The following MRPS31 variants were observed in gnomAD, a reference collection of about 807,000 sequenced individuals.
MRPS31 encodes the protein mitochondrial ribosomal protein S31, also known as small ribosomal subunit protein mS31.
Under a neutral mutation model 43.1 loss-of-function variants are expected in MRPS31, and 32 were observed. That is an observed-to-expected ratio of 0.74 (90% confidence interval 0.56 to 1.00). The LOEUF (loss-of-function observed/expected upper bound fraction) is 1.00. MRPS31 is among the 50% of genes least tolerant of loss of function. MRPS31 has a pLI of 0.00. For missense variants in MRPS31, 437 were observed against 466.7 expected (o/e 0.94, Z 0.59); for synonymous variants, 165 against 161.6 (o/e 1.02, Z -0.16).
At chr13:40,767,167 T>C in intron 1 of MRPS31, 134 bp from the exon 2 acceptor site, 1 of 744,052 alleles carries the variant, frequency 1.3e-6, no homozygotes, top group Non-Finnish European at 2.0e-6. Flanking sequence ...CGTTGCTTTT[T>C]TTTTTTTGAG....
At chr13:40,758,240 G>A (rs956360804) in intron 3 of MRPS31, among the ~76,000 whole-genome samples, 18 of 151,022 alleles carry the variant, frequency 1.2e-4, no homozygotes, top group African/African-American at 4.4e-4. Flanking sequence ...TTTATGTTTT[G>A]TAGAGATGGG....
chr13:40,735,033 C>T (rs1381276839), intron 6 of MRPS31, among the ~76,000 whole-genome samples: 2 of 152,208 alleles, frequency 1.3e-5, no homozygotes, highest in Admixed American at 1.3e-4. Flanking sequence ...GGGTTCATCT[C>T]ACTAGGGAGT....
chr13:40,766,825 G>C lies in MRPS31; in HGVS notation c.361C>G (p.Pro121Ala). The C allele has an allele frequency of 6.2e-7, 1 of 1,614,052 alleles. No homozygotes were observed. Among genetic ancestry groups the C allele is most frequent in the Non-Finnish European group, 8.5e-7 (1 of 1,179,988 alleles). ...AAACTTTTAAGTGGTCTTCTTTTGG[G>C]GGGCTTTGTTGTTCGTACATTTACT... The part of the protein sequence containing the change: ...STVNVRTTKP[P>A]KRRPLKSLEA... Residue 121 changes from proline to alanine, a missense_variant, in exon 2 of 7, where the codon CCC becomes GCC. Transcript: ENST00000323563.
chr13:40,741,849 C>T (rs2137999694), intron 6 of MRPS31, among the ~76,000 whole-genome samples: 1 of 150,496 alleles, frequency 6.6e-6, no homozygotes. Context: ...TATGTACTGA[C>T]AAGGAAATGC....
At chr13:40,750,389 G>A (rs1289800211) in intron 5 of MRPS31, among the ~76,000 whole-genome samples, 1 of 152,054 alleles carries the variant, frequency 6.6e-6, no homozygotes. Context: ...GTGTGTGTTT[G>A]CGTGTATTGC....
intron 5 of MRPS31, among the ~76,000 whole-genome samples, chr13:40,753,396 T>C (rs1566108807): frequency 6.6e-6 from 1 of 152,240 alleles, no homozygotes; most frequent in Non-Finnish European, 1.5e-5. Flanking sequence ...CTCAAATTAG[T>C]AGCTAATCTG....
intron 6 of MRPS31, among the ~76,000 whole-genome samples, chr13:40,735,445 T>G (rs1177374455): frequency 6.6e-6 from 1 of 152,190 alleles, no homozygotes; most frequent in Non-Finnish European, 1.5e-5. Flanking sequence ...CAAGGAGGCC[T>G]GCCTGCCTCT....
intron 6 of MRPS31, among the ~76,000 whole-genome samples, chr13:40,747,110 G>A (rs1050463640): frequency 6.7e-6 from 1 of 149,748 alleles, no homozygotes; most frequent in African/African-American, 2.5e-5. Flanking sequence ...GCACAGTTTC[G>A]CTCTGTCACC....
At chr13:40,747,868 C>A (rs115712627) in intron 6 of MRPS31, among the ~76,000 whole-genome samples, 1 of 151,998 alleles carries the variant, frequency 6.6e-6, no homozygotes, top group Non-Finnish European at 1.5e-5. Flanking sequence ...TACGAATATA[C>A]AAAATATTAA....
At chr13:40,747,946 T>C (rs757925055) in intron 6 of MRPS31, among the ~76,000 whole-genome samples, 8 of 152,230 alleles carry the variant, frequency 5.3e-5, no homozygotes, top group Non-Finnish European at 1.0e-4. Flanking sequence ...ATGTTAATTA[T>C]ATTATTTACA....
chr13:40,762,764 C>G (rs1280492779), intron 2 of MRPS31, among the ~76,000 whole-genome samples: 1 of 146,510 alleles, frequency 6.8e-6, no homozygotes, highest in Non-Finnish European at 1.5e-5. Context: ...TGTTTCACCA[C>G]CTGACATAGT....
chr13:40,750,096 T>A (rs1244803119), intron 5 of MRPS31, among the ~76,000 whole-genome samples: 1 of 152,166 alleles, frequency 6.6e-6, no homozygotes, highest in Non-Finnish European at 1.5e-5. Context: ...AATAGCCAAA[T>A]GTGGGTTGTA....
chr13:40,768,700 A>C (rs943873719), intron 1 of MRPS31, among the ~76,000 whole-genome samples: 4 of 152,170 alleles, frequency 2.6e-5, no homozygotes, highest in African/African-American at 9.7e-5. Context: ...GAAATTATCT[A>C]TGCTCCTTGC....
rs781597094 is a variant in MRPS31, at chr13:40,766,955, A to G, written c.231T>C (p.Thr77=). The change falls in exon 2 of 7, where the codon ACT becomes ACC. Residue 77 remains threonine (T), a synonymous_variant. Coordinates refer to ENST00000323563, the MANE Select transcript of MRPS31 (RefSeq NM_005830.4). The part of the protein sequence containing the change: ...CSKKDKQSVR[T]EETSKETSES... ...CTGAAGTCTCCTTGGAAGTCTCCTC[A>G]GTTCGAACAGACTGCTTATCTTTCT... The G allele has an allele frequency of 6.2e-7, 1 of 1,613,824 alleles. No individual in the cohort carries two copies. Among genetic ancestry groups the G allele is most frequent in the Non-Finnish European group, 8.5e-7 (1 of 1,179,850 alleles).
At chr13:40,750,803 A>G (rs1224567939) in intron 5 of MRPS31, among the ~76,000 whole-genome samples, 1 of 146,966 alleles carries the variant, frequency 6.8e-6, no homozygotes, top group East Asian at 2.0e-4. Context: ...ATCCCTTACT[A>G]TTCAATATTT....
intron 3 of MRPS31, 102 bp downstream of exon 3, chr13:40,758,846 T>C: frequency 9.2e-7 from 1 of 1,088,502 alleles, no homozygotes; most frequent in African/African-American, 1.6e-5. Context: ...ATATACAAAT[T>C]CCACTTACGT....
At chr13:40,744,578 T>C (rs1164580815) in intron 6 of MRPS31, among the ~76,000 whole-genome samples, 1 of 152,248 alleles carries the variant, frequency 6.6e-6, no homozygotes, top group East Asian at 1.9e-4. Context: ...TTATTTATTT[T>C]TGAGATAGAG....
chr13:40,766,734 A>C lies in MRPS31; in HGVS notation c.440+12T>G, dbSNP rs111694460. On this transcript the variant is annotated intron_variant, in intron 2 of 6. Coordinates refer to ENST00000323563, the MANE Select transcript of MRPS31 (RefSeq NM_005830.4). ...GAGTTTCAAACAACATCTGAATTAC[A>C]ATTAAATTTACCTCTTCTTTGGAGC... is the stretch of plus-strand genomic sequence containing the variant. The C allele has an allele frequency of 2.4e-5, 38 of 1,568,312 alleles. No homozygotes were observed. The African/African-American group carries it at 2.9e-4, about 12-fold the overall frequency.
chr13:40,737,108 C>T (rs1300970641), intron 6 of MRPS31, among the ~76,000 whole-genome samples: 1 of 150,648 alleles, frequency 6.6e-6, no homozygotes, highest in Admixed American at 6.6e-5. Context: ...AAATGGAAAA[C>T]AAAAAAAGGC....
Sources: gnomAD v4.1 joint callset for allele counts (sites outside exome capture counted in the v4.1 genomes callset) on GRCh38, gnomAD v4.1.1 for gene constraint, MANE v1.5 for transcripts, NCBI Gene and HGNC (gene_info 2026-07-23, HGNC 2026-07-21) for gene names.